The following NPEPPS variants were observed in gnomAD, a reference collection of about 807,000 sequenced individuals.
The protein encoded by NPEPPS is puromycin-sensitive aminopeptidase.
In NPEPPS, 14 loss-of-function variants were observed where a neutral mutation model predicts 115.5. That is an observed-to-expected ratio of 0.12 (90% CI 0.08 to 0.19). The LOEUF (loss-of-function observed/expected upper bound fraction) is 0.19, where lower values mean the gene tolerates loss of function less well. NPEPPS is among the 10% of genes least tolerant of loss of function. The pLI is 1.00. For synonymous variants in NPEPPS, 285 were observed against 390.6 expected, an observed-to-expected ratio of 0.73 and a Z score of 3.19; for missense variants, 523 against 1,110.8, an observed-to-expected ratio of 0.47 and a Z score of 7.52.
intron 2 of NPEPPS, among the ~76,000 whole-genome samples, chr17:47,564,759 A>G (rs1303398760): frequency 1.3e-5 from 2 of 151,896 alleles, no homozygotes; most frequent in East Asian, 3.9e-4. Context: ...CATCTTCAGT[A>G]TTTATGGGTT....
At chr17:47,592,759 T>C in intron 12 of NPEPPS, 1 of 471,190 alleles carries the variant, frequency 2.1e-6, no homozygotes. Context: ...TTCCTTTCTT[T>C]CTTTTTTTTA....
chr17:47,572,996 G>A (rs1911292590), intron 3 of NPEPPS, among the ~76,000 whole-genome samples: 1 of 152,100 alleles, frequency 6.6e-6, no homozygotes, highest in African/African-American at 2.4e-5. Context: ...GGCTGGTCTC[G>A]AACTCCAGAC....
At chr17:47,598,521 C>T (rs1163963826) in intron 13 of NPEPPS, among the ~76,000 whole-genome samples, 1 of 152,054 alleles carries the variant, frequency 6.6e-6, no homozygotes, top group Non-Finnish European at 1.5e-5. Context: ...ATTTGTAATC[C>T]CAGCACTTTG....
intron 1 of NPEPPS, among the ~76,000 whole-genome samples, chr17:47,537,193 A>C (rs1908368142): frequency 6.6e-6 from 1 of 152,132 alleles, no homozygotes; most frequent in African/African-American, 2.4e-5. Context: ...TTCTTAAAAA[A>C]AATTCATATA....
chr17:47,575,091 AT>A (rs1005612647), intron 3 of NPEPPS, among the ~76,000 whole-genome samples: 15 of 152,342 alleles, frequency 9.8e-5, no homozygotes, highest in African/African-American at 3.6e-4. Flanking sequence ...CAAATTAAAT[AT>A]TTCAAAAACA....
upstream of NPEPPS, among the ~76,000 whole-genome samples, chr17:47,528,316 A>T (rs1245126130): frequency 1.3e-5 from 2 of 152,104 alleles, no homozygotes; most frequent in African/African-American, 4.8e-5. Context: ...AAAAATTATT[A>T]TATGTTATTT....
At chr17:47,613,587 C>T (rs1914009458) in intron 18 of NPEPPS, 82 bp from the exon 19 acceptor site, 2 of 1,193,822 alleles carry the variant, frequency 1.7e-6, no homozygotes, top group Non-Finnish European at 2.5e-6. Context: ...ATATTGTTTA[C>T]TTGCTTTCTG....
chr17:47,569,171 C>A (rs1372176712), intron 2 of NPEPPS, among the ~76,000 whole-genome samples: 1 of 151,966 alleles, frequency 6.6e-6, no homozygotes, highest in African/African-American at 2.4e-5. Context: ...AGCCTTCTTT[C>A]CTGTACATCA....
chr17:47,531,293 C>G lies in NPEPPS; in HGVS notation c.-8C>G. Reference sequence around the variant, plus strand: ...CGCTCTCCTCCGGCGGTCGCCCGCGCTCGGTGGATGTGGCTGGCAGCTGCC... The same window carrying G: ...CGCTCTCCTCCGGCGGTCGCCCGCGGTCGGTGGATGTGGCTGGCAGCTGCC... On this transcript the variant is annotated 5_prime_UTR_variant, in exon 1 of 23. Coordinates refer to ENST00000322157, the MANE Select transcript of NPEPPS (RefSeq NM_006310.4). 1 of 1,483,390 alleles carries G rather than the reference C, an allele frequency of 6.7e-7. No homozygotes were observed. Among genetic ancestry groups the G allele is most frequent in the Non-Finnish European group, 9.1e-7 (1 of 1,104,822 alleles). 91.9% of individuals were successfully genotyped at this position (1,483,390 alleles called of 1,614,324 possible). A position where few individuals can be genotyped will look rare whatever the true frequency, so the allele number is the denominator to read the frequency against.
chr17:47,599,636 T>C (rs1206160988), intron 13 of NPEPPS, 40 bp from the exon 14 acceptor site: 1 of 1,511,706 alleles, frequency 6.6e-7, no homozygotes, highest in African/African-American at 1.4e-5. Context: ...AAACCCCAGA[T>C]GGTGTCAGTA....
chr17:47,602,203 A>G (rs969636768), intron 15 of NPEPPS, among the ~76,000 whole-genome samples: 3 of 152,218 alleles, frequency 2.0e-5, no homozygotes, highest in Non-Finnish European at 2.9e-5. Flanking sequence ...AAAAATACCA[A>G]TAGGTAAGAA....
At chr17:47,591,796 T>G in intron 10 of NPEPPS, 160 bp from the exon 11 acceptor site, 1 of 489,562 alleles carries the variant, frequency 2.0e-6, no homozygotes, top group Admixed American at 3.7e-5. Context: ...TTTATTATTA[T>G]TAGTTACTAC....
chr17:47,547,780 A>T (rs1909326632), intron 2 of NPEPPS, among the ~76,000 whole-genome samples: 1 of 152,154 alleles, frequency 6.6e-6, no homozygotes, highest in South Asian at 2.1e-4. Flanking sequence ...TAATTCCAGC[A>T]CTTTGGGAGG....
chr17:47,606,825 T>G (rs879824217), intron 17 of NPEPPS, among the ~76,000 whole-genome samples: 2 of 152,082 alleles, frequency 1.3e-5, no homozygotes, highest in Non-Finnish European at 2.9e-5. Flanking sequence ...TATTGCCTTA[T>G]ATGGCTTACA....
chr17:47,579,924 T>G (rs1911765831), intron 4 of NPEPPS: 2 of 169,170 alleles, frequency 1.2e-5, no homozygotes, highest in Admixed American at 1.2e-4. Flanking sequence ...TGATTTTTTT[T>G]TTCTCCGTGT....
intron 2 of NPEPPS, 131 bp from the exon 3 acceptor site, chr17:47,569,286 A>G (rs188427303): frequency 8.1e-6 from 5 of 617,082 alleles, no homozygotes; most frequent in Admixed American, 3.0e-5. Flanking sequence ...AACTCTTGCT[A>G]ATAGGAACTT....
At chr17:47,598,233 G>C (rs1912992612) in intron 13 of NPEPPS, among the ~76,000 whole-genome samples, 1 of 152,180 alleles carries the variant, frequency 6.6e-6, no homozygotes, top group Non-Finnish European at 1.5e-5. Flanking sequence ...AGAATACTGG[G>C]AGGCCAAGGT....
chr17:47,535,512 C>CT (rs1230197646), intron 1 of NPEPPS, among the ~76,000 whole-genome samples: 10 of 144,326 alleles, frequency 6.9e-5, no homozygotes, highest in Non-Finnish European at 1.1e-4. Flanking sequence ...GATCGCGCCA[C>CT]GCACTCCAGC....
intron 19 of NPEPPS, 58 bp downstream of exon 19, chr17:47,613,783 T>C (rs546299390): frequency 1.1e-5 from 14 of 1,254,746 alleles, no homozygotes; most frequent in African/African-American, 8.9e-5. Context: ...AGACACACAG[T>C]AAACCTCTAA....
Sources: allele counts gnomAD v4.1 joint callset (sites outside exome capture counted in the v4.1 genomes callset), GRCh38; gene constraint gnomAD v4.1.1; transcripts MANE v1.5; gene names NCBI Gene and HGNC (gene_info 2026-07-23, HGNC 2026-07-21).